CLPX: variants seen among roughly 807,000 people sequenced by gnomAD.
CLPX encodes caseinolytic mitochondrial matrix peptidase chaperone subunit X.
A neutral mutation model predicts 76.4 loss-of-function variants in CLPX; 34 were observed. The ratio of observed to expected loss-of-function variants is 0.45; its 90% CI spans 0.34 to 0.59. The LOEUF is 0.59. CLPX is among the 20% of genes least tolerant of loss of function. The pLI is 0.01. For missense variants in CLPX, 613 were observed against 757.0 expected (o/e 0.81, Z 2.23); for synonymous variants, 248 against 270.9 (o/e 0.92, Z 0.83).
Position 65,148,559 on chromosome 15 carries a change from ACT to A in CLPX, c.*2262_*2263del, listed in dbSNP as rs1004366299. On this transcript the variant is annotated 3_prime_UTR_variant, in exon 14 of 14. Transcript: ENST00000300107. ...CCATACTATAGCAACCAGCCTTAACACTCTGTAATACAAAGTGCATTTCTGGT... is the reference window on the plus strand; with the variant it reads ...CCATACTATAGCAACCAGCCTTAACACTGTAATACAAAGTGCATTTCTGGT... 3.9e-5 allele frequency: 6 copies of A among 152,110 alleles called. No homozygotes were observed. Among genetic ancestry groups the A allele is most frequent in the Non-Finnish European group, 8.8e-5 (6 of 68,018 alleles). 9.4% of individuals were successfully genotyped at this position (152,110 alleles called of 1,614,324 possible). A position where few individuals can be genotyped will look rare whatever the true frequency, so the allele number is the denominator to read the frequency against.
At chr15:65,167,013 T>A (rs896238714) in intron 3 of CLPX, among the ~76,000 whole-genome samples, 1 of 152,240 alleles carries the variant, frequency 6.6e-6, no homozygotes, top group Admixed American at 6.5e-5. Flanking sequence ...TTTTGTGATA[T>A]ACTTCTTTAA....
At chr15:65,161,101 C>A (rs2087851324) in intron 6 of CLPX, among the ~76,000 whole-genome samples, 2 of 152,136 alleles carry the variant, frequency 1.3e-5, no homozygotes, top group South Asian at 4.1e-4. Context: ...CAATACCTGG[C>A]AGATAGTTTT....
At chr15:65,180,380 C>A (rs981437409) in intron 1 of CLPX, among the ~76,000 whole-genome samples, 176 bp from the exon 2 acceptor site, 2 of 152,092 alleles carry the variant, frequency 1.3e-5, no homozygotes, top group African/African-American at 4.8e-5. Context: ...AACAGGCCAG[C>A]AGGTCTGGGC....
intron 3 of CLPX, among the ~76,000 whole-genome samples, chr15:65,167,629 AC>A (rs1847598255): frequency 6.6e-6 from 1 of 151,742 alleles, no homozygotes; most frequent in East Asian, 1.9e-4. Flanking sequence ...TAATCCCAGC[AC>A]TTTGGGAGAC....
chr15:65,163,088 G>A (rs1283900802), intron 5 of CLPX, among the ~76,000 whole-genome samples: 1 of 152,116 alleles, frequency 6.6e-6, no homozygotes. Context: ...ATTAATCCCA[G>A]CACTTTGGGA....
chr15:65,183,576 G>A (rs2088211533), intron 1 of CLPX, among the ~76,000 whole-genome samples: 2 of 150,494 alleles, frequency 1.3e-5, no homozygotes, highest in South Asian at 2.1e-4. Flanking sequence ...AAGGAAGGAA[G>A]GAAGGAGAAA....
intron 4 of CLPX, among the ~76,000 whole-genome samples, 160 bp from the exon 5 acceptor site, chr15:65,164,348 G>A (rs190935422): frequency 5.6e-4 from 85 of 152,190 alleles, no homozygotes; most frequent in African/African-American, 2.0e-3. Context: ...TGATTCAGAG[G>A]CCCTGAACAC....
At chr15:65,157,079 CTT>C in intron 8 of CLPX, 147 bp from the exon 9 acceptor site, 1 of 580,990 alleles carries the variant, frequency 1.7e-6, no homozygotes, top group East Asian at 2.9e-5. Flanking sequence ...TAAAAATGCA[CTT>C]TTATTTCTTC....
At chr15:65,176,888 C>G (rs1229582573) in intron 3 of CLPX, among the ~76,000 whole-genome samples, 1 of 151,794 alleles carries the variant, frequency 6.6e-6, no homozygotes, top group Non-Finnish European at 1.5e-5. Flanking sequence ...AGCCACCGCG[C>G]CTGGCAACAA....
rs1246749097 is a variant in CLPX, at chr15:65,185,183, C to T, written c.-30G>A. The T allele has an allele frequency of 3.3e-6, 5 of 1,533,214 alleles. No homozygotes were observed. The highest frequency in any genetic ancestry group is 2.7e-5 in the African/African-American group (2 of 72,944). 95.0% of individuals were successfully genotyped at this position (1,533,214 alleles called of 1,614,324 possible). ...GCGAGGCCTAGGCCGGGGCTTCGCC[C>T]CCTGAGGACCTCCGGGTCACAGCGG... On this transcript the variant is annotated 5_prime_UTR_variant, in exon 1 of 14. Coordinates refer to ENST00000300107, the MANE Select transcript of CLPX (RefSeq NM_006660.5).
At chr15:65,164,731 A>T (rs2087889094) in intron 4 of CLPX, among the ~76,000 whole-genome samples, 1 of 152,052 alleles carries the variant, frequency 6.6e-6, no homozygotes, top group African/African-American at 2.4e-5. Context: ...CTACTCATTT[A>T]TCTGAGACTC....
chr15:65,183,174 A>T (rs2088200509), intron 1 of CLPX, among the ~76,000 whole-genome samples: 1 of 151,124 alleles, frequency 6.6e-6, no homozygotes. Context: ...ACAGACACAC[A>T]AAAAGAGGCC....
rs757013191 is a variant in CLPX, at chr15:65,164,024, G to A, written c.673+5C>T. ...TCTATTTAGGTCAATTATCAAAAACGCTACCTCTTGGTGTTAATGATGTCT... is the reference window on the plus strand; with the variant it reads ...TCTATTTAGGTCAATTATCAAAAACACTACCTCTTGGTGTTAATGATGTCT... On this transcript the variant is annotated splice_donor_5th_base_variant and intron_variant, in intron 5 of 13. Transcript: ENST00000300107. The A allele has an allele frequency of 2.3e-5, 37 of 1,611,358 alleles. No homozygotes were observed. Among genetic ancestry groups the A allele is most frequent in the Admixed American group, 5.0e-5 (3 of 59,842 alleles).
chr15:65,183,322 G>A (rs1198218240), intron 1 of CLPX, among the ~76,000 whole-genome samples: 1 of 151,786 alleles, frequency 6.6e-6, no homozygotes. Context: ...TTAGCCAGGC[G>A]TGGTGGCGGG....
chr15:65,184,799 A>G (rs960927766), intron 1 of CLPX, among the ~76,000 whole-genome samples: 2 of 152,360 alleles, frequency 1.3e-5, no homozygotes, highest in Non-Finnish European at 2.9e-5. Flanking sequence ...GGGTTTCTAC[A>G]AAGTGGCCGC....
At chr15:65,177,320 C>T (rs776164585) in intron 3 of CLPX, among the ~76,000 whole-genome samples, 2 of 152,188 alleles carry the variant, frequency 1.3e-5, no homozygotes, top group Non-Finnish European at 1.5e-5. Flanking sequence ...CAGCCCGCCT[C>T]GGCCTCCCAA....
chr15:65,164,028 C>T lies in CLPX; in HGVS notation c.673+1G>A. 6.2e-7 allele frequency: 1 copy of T among 1,612,346 alleles called. No homozygotes were observed. The highest frequency in any genetic ancestry group is 8.5e-7 in the Non-Finnish European group (1 of 1,179,244). On this transcript the variant is annotated splice_donor_variant, in intron 5 of 13. Transcript: ENST00000300107. LOFTEE classifies it high-confidence loss of function. Reference sequence around the variant, plus strand: ...TTTAGGTCAATTATCAAAAACGCTACCTCTTGGTGTTAATGATGTCTGCTT... The same window carrying T: ...TTTAGGTCAATTATCAAAAACGCTATCTCTTGGTGTTAATGATGTCTGCTT...
intron 6 of CLPX, among the ~76,000 whole-genome samples, chr15:65,159,811 CTTTT>C (rs879755107): frequency 7.1e-6 from 1 of 141,174 alleles, no homozygotes; most frequent in African/African-American, 2.6e-5. Flanking sequence ...ATTTTCTTTT[CTTTT>C]TTTTTTTTTT....
chr15:65,177,637 T>C (rs58938523), intron 3 of CLPX, among the ~76,000 whole-genome samples: 3 of 152,198 alleles, frequency 2.0e-5, no homozygotes, highest in Non-Finnish European at 4.4e-5. Flanking sequence ...TTGGATTGTA[T>C]AGGAAGGCTG....
Sources: allele counts gnomAD v4.1 joint callset (sites outside exome capture counted in the v4.1 genomes callset), GRCh38; gene constraint gnomAD v4.1.1; transcripts MANE v1.5; gene names NCBI Gene and HGNC (gene_info 2026-07-23, HGNC 2026-07-21).